Variants in ZHX2 observed in about 807,000 individuals in gnomAD.
The protein encoded by ZHX2 is zinc fingers and homeoboxes 2, also known as zinc fingers and homeoboxes protein 2.
Under a neutral mutation model 21.9 loss-of-function variants are expected in ZHX2, and 6 were observed. The observed-to-expected ratio is 0.27, with a 90% CI of 0.15 to 0.54. The LOEUF is 0.54. Ranked by LOEUF, ZHX2 falls within the 20% of genes least tolerant of loss-of-function variation. The pLI, the probability that ZHX2 is intolerant of heterozygous loss-of-function variation, is 0.95. For missense variants in ZHX2, 908 were observed against 1,090.7 expected (o/e 0.83, Z 2.36); for synonymous variants, 434 against 437.1 (o/e 0.99, Z 0.09).
intron 2 of ZHX2, among the ~76,000 whole-genome samples, chr8:122,923,636 C>G (rs903055841): frequency 6.6e-6 from 1 of 152,200 alleles, no homozygotes; most frequent in Non-Finnish European, 1.5e-5. Flanking sequence ...CACAAAGTCA[C>G]CACACCCACC....
intron 2 of ZHX2, among the ~76,000 whole-genome samples, chr8:122,901,684 C>T (rs1466480573): frequency 6.6e-6 from 1 of 152,168 alleles, no homozygotes; most frequent in African/African-American, 2.4e-5. Flanking sequence ...ACATTACTGA[C>T]ATTTGGGGCC....
At chr8:122,944,002 A>G (rs1046424247) in intron 2 of ZHX2, among the ~76,000 whole-genome samples, 3 of 151,930 alleles carry the variant, frequency 2.0e-5, no homozygotes, top group Non-Finnish European at 4.4e-5. Context: ...AGTCCTTGTC[A>G]TTCCTCAAAT....
At chr8:122,880,816 T>G (rs925914438) in intron 2 of ZHX2, among the ~76,000 whole-genome samples, 10 of 147,682 alleles carry the variant, frequency 6.8e-5, no homozygotes, top group African/African-American at 2.5e-4. Context: ...TGCTCATGAG[T>G]GAGAACATGC....
chr8:122,895,381 G>A (rs769609663), intron 2 of ZHX2, among the ~76,000 whole-genome samples: 1 of 152,222 alleles, frequency 6.6e-6, no homozygotes, highest in Non-Finnish European at 1.5e-5. Context: ...CAGATGAGCT[G>A]CCAGGAGATG....
intron 3 of ZHX2, among the ~76,000 whole-genome samples, chr8:122,957,059 G>A (rs768159403): frequency 5.9e-5 from 9 of 152,220 alleles, no homozygotes; most frequent in South Asian, 2.1e-4. Flanking sequence ...AGCAGAGGTC[G>A]AGGTAGGTTC....
At chr8:122,783,422 G>A (rs1285004543) in intron 1 of ZHX2, among the ~76,000 whole-genome samples, 1 of 152,076 alleles carries the variant, frequency 6.6e-6, no homozygotes, top group African/African-American at 2.4e-5. Flanking sequence ...AATGGAGTTA[G>A]AGGAGAGGAT....
At chr8:122,938,027 C>T (rs11779403) in intron 2 of ZHX2, among the ~76,000 whole-genome samples, 93,662 of 147,560 alleles carry the variant, frequency 0.63, 30,744 homozygotes, top group East Asian at 0.76. Context: ...CCTCCGCCTC[C>T]CGGGTTCAAG....
intron 2 of ZHX2, among the ~76,000 whole-genome samples, chr8:122,880,329 G>C (rs562166224): frequency 3.9e-4 from 60 of 152,164 alleles, no homozygotes; most frequent in African/African-American, 1.4e-3. Flanking sequence ...GTGACTCCCA[G>C]AGGACCCACC....
At chr8:122,930,058 G>T (rs1304116833) in intron 2 of ZHX2, among the ~76,000 whole-genome samples, 1 of 152,196 alleles carries the variant, frequency 6.6e-6, no homozygotes, top group African/African-American at 2.4e-5. Flanking sequence ...CGGGTGTAAT[G>T]AAGGCTCTGA....
intron 1 of ZHX2, among the ~76,000 whole-genome samples, chr8:122,861,584 A>G (rs915688092): frequency 6.6e-6 from 1 of 152,104 alleles, no homozygotes; most frequent in African/African-American, 2.4e-5. Context: ...GAGTTGGGAG[A>G]TGCTAATTTA....
chr8:122,802,004 A>G (rs1164161269), intron 1 of ZHX2, among the ~76,000 whole-genome samples: 1 of 152,074 alleles, frequency 6.6e-6, no homozygotes, highest in Non-Finnish European at 1.5e-5. Flanking sequence ...TGGGTCATTT[A>G]TCCCCTCTCT....
At chr8:122,860,183 C>T (rs1476522465) in intron 1 of ZHX2, among the ~76,000 whole-genome samples, 1 of 152,148 alleles carries the variant, frequency 6.6e-6, no homozygotes, top group African/African-American at 2.4e-5. Flanking sequence ...CTTATAAAAC[C>T]ATCAGATCTC....
chr8:122,897,107 G>A (rs1252911665), intron 2 of ZHX2, among the ~76,000 whole-genome samples: 1 of 152,198 alleles, frequency 6.6e-6, no homozygotes, highest in Non-Finnish European at 1.5e-5. Flanking sequence ...TTGGGAGCCT[G>A]CTCAAATAGG....
intron 1 of ZHX2, among the ~76,000 whole-genome samples, chr8:122,841,812 A>C (rs1311581304): frequency 1.3e-5 from 2 of 152,192 alleles, no homozygotes; most frequent in South Asian, 4.1e-4. Context: ...GTGTGAGATC[A>C]GATGTTATCC....
At chr8:122,937,574 C>G (rs1019623497) in intron 2 of ZHX2, among the ~76,000 whole-genome samples, 3 of 129,252 alleles carry the variant, frequency 2.3e-5, no homozygotes, top group Non-Finnish European at 5.0e-5. Context: ...GAAATTGGAT[C>G]GTCTATTATC....
At chr8:122,854,661 C>T (rs1277984238) in intron 1 of ZHX2, among the ~76,000 whole-genome samples, 2 of 152,184 alleles carry the variant, frequency 1.3e-5, no homozygotes, top group African/African-American at 4.8e-5. Context: ...GCACTGGCCA[C>T]CTGAGTGAAC....
chr8:122,944,864 A>G (rs1812931436), intron 2 of ZHX2, among the ~76,000 whole-genome samples: 1 of 152,176 alleles, frequency 6.6e-6, no homozygotes, highest in Admixed American at 6.5e-5. Context: ...ATTTGGAGAT[A>G]GGTAATTAAG....
chr8:122,834,971 G>A (rs981584339), intron 1 of ZHX2, among the ~76,000 whole-genome samples: 1 of 152,226 alleles, frequency 6.6e-6, no homozygotes, highest in South Asian at 2.1e-4. Flanking sequence ...CTCCGCACCA[G>A]TAGGCTGGGC....
At chr8:122,822,682 T>A (rs1214751937) in intron 1 of ZHX2, among the ~76,000 whole-genome samples, 8 of 152,188 alleles carry the variant, frequency 5.3e-5, no homozygotes, top group African/African-American at 1.9e-4. Context: ...ATGACAGCTC[T>A]CTGGGTAGAC....
Sources: gnomAD v4.1 joint callset for allele counts (sites outside exome capture counted in the v4.1 genomes callset) on GRCh38, gnomAD v4.1.1 for gene constraint, MANE v1.5 for transcripts, NCBI Gene and HGNC (gene_info 2026-07-23, HGNC 2026-07-21) for gene names.